SLC9A9: variants seen among roughly 807,000 people sequenced by gnomAD.
SLC9A9 encodes solute carrier family 9 member A9.
SLC9A9 carries 62 observed loss-of-function variants against 77.8 expected under a neutral mutation model. The observed-to-expected ratio is 0.80, with a 90% CI of 0.65 to 0.98. SLC9A9 has a LOEUF of 0.98. Ranked by LOEUF, SLC9A9 falls within the 50% of genes least tolerant of loss-of-function variation. The pLI, the probability that SLC9A9 is intolerant of heterozygous loss-of-function variation, is 0.00. For synonymous variants in SLC9A9, 320 were observed against 283.5 expected, an observed-to-expected ratio of 1.13 and a Z score of -1.29; for missense variants, 775 against 774.9, an observed-to-expected ratio of 1.00 and a Z score of 0.00.
intron 14 of SLC9A9, among the ~76,000 whole-genome samples, chr3:143,357,739 A>G (rs921925067): frequency 1.3e-5 from 2 of 152,126 alleles, no homozygotes; most frequent in Non-Finnish European, 2.9e-5. Flanking sequence ...TCTTGGGCTC[A>G]GTTGCCTCAT....
chr3:143,816,267 G>A (rs1023217745), intron 2 of SLC9A9, among the ~76,000 whole-genome samples: 1 of 152,124 alleles, frequency 6.6e-6, no homozygotes, highest in African/African-American at 2.4e-5. Context: ...ACAGTGGTGT[G>A]GTCATAGCTC....
intron 12 of SLC9A9, among the ~76,000 whole-genome samples, chr3:143,438,982 A>C (rs891524054): frequency 1.3e-5 from 2 of 152,114 alleles, no homozygotes; most frequent in African/African-American, 4.8e-5. Flanking sequence ...TCATTTATTC[A>C]TTTCTTTAAT....
intron 5 of SLC9A9, among the ~76,000 whole-genome samples, chr3:143,676,751 C>T (rs1932903592): frequency 6.6e-6 from 1 of 151,882 alleles, no homozygotes; most frequent in African/African-American, 2.4e-5. Flanking sequence ...AACAAACAAA[C>T]AAAAACAAAC....
chr3:143,580,158 G>C lies in SLC9A9; in HGVS notation c.756-1435C>G, dbSNP rs111919628. Among the ~76,000 whole-genome samples the C allele has an allele frequency of 3.9e-5, 6 of 152,284 alleles. 1 individual carries two copies. The highest frequency in any genetic ancestry group is 1.4e-4 in the African/African-American group (6 of 41,554). ...TTTGTATCTGCAAGTCCTGGGAAAA[G>C]GTATAAAACTCCACTGGTTGTTAGG... is the stretch of plus-strand genomic sequence containing the variant. On this transcript the variant is annotated intron_variant, in intron 6 of 15. Transcript: ENST00000316549.
At chr3:143,517,680 G>A in intron 9 of SLC9A9, 1 of 1,597,490 alleles carries the variant, frequency 6.3e-7, no homozygotes, top group Non-Finnish European at 8.5e-7. Flanking sequence ...CACTTGTAAG[G>A]CTGAGCTGAA....
chr3:143,625,097 G>T (rs908952352), intron 6 of SLC9A9, among the ~76,000 whole-genome samples: 1 of 152,142 alleles, frequency 6.6e-6, no homozygotes, highest in South Asian at 2.1e-4. Context: ...ACAAACCACT[G>T]CTCAATGAAA....
At position 143,495,425 on chromosome 3, in the gene SLC9A9, C is replaced by T; in HGVS notation, c.1113G>A (p.Leu371=). The part of the protein sequence containing the change: ...TKQLFEFMNF[L]AENVIFCYMG... ...TGTAACAGAAGATGACGTTCTCCGC[C>T]AAAAAGTTCATAAATTCAAACAACT... The change falls in exon 10 of 16, where the codon TTG becomes TTA. Residue 371 remains leucine, a synonymous_variant. Coordinates refer to ENST00000316549, the MANE Select transcript of SLC9A9 (RefSeq NM_173653.4). 1 of 1,613,850 alleles carries T rather than the reference C, an allele frequency of 6.2e-7. No individual in the cohort carries two copies. Among genetic ancestry groups the T allele is most frequent in the East Asian group, 2.2e-5 (1 of 44,876 alleles).
chr3:143,405,458 TG>T (rs1559901650), intron 12 of SLC9A9, among the ~76,000 whole-genome samples: 1 of 152,156 alleles, frequency 6.6e-6, no homozygotes, highest in Admixed American at 6.5e-5. Context: ...GAGCAGAAGC[TG>T]GGAGAGGAGG....
intron 12 of SLC9A9, among the ~76,000 whole-genome samples, chr3:143,403,353 T>C (rs1457574962): frequency 3.3e-5 from 5 of 152,158 alleles, no homozygotes; most frequent in African/African-American, 1.2e-4. Context: ...ATAGACACAA[T>C]TGAATTTTAT....
intron 6 of SLC9A9, among the ~76,000 whole-genome samples, chr3:143,579,733 A>T (rs2037422914): frequency 6.6e-6 from 1 of 152,174 alleles, no homozygotes; most frequent in Admixed American, 6.5e-5. Flanking sequence ...AGTACACTAG[A>T]CACATTGACT....
chr3:143,697,209 A>G (rs1275193377), intron 4 of SLC9A9, among the ~76,000 whole-genome samples: 6 of 152,166 alleles, frequency 3.9e-5, no homozygotes, highest in African/African-American at 1.2e-4. Context: ...CTGGGCATGG[A>G]AAAGTAAATT....
chr3:143,342,839 C>T (rs2108465644), intron 14 of SLC9A9, among the ~76,000 whole-genome samples: 1 of 152,302 alleles, frequency 6.6e-6, no homozygotes, highest in South Asian at 2.1e-4. Flanking sequence ...GGTGCATGTG[C>T]ATGCAAATAT....
At chr3:143,339,420 C>G (rs549969917) in intron 14 of SLC9A9, among the ~76,000 whole-genome samples, 1 of 152,104 alleles carries the variant, frequency 6.6e-6, no homozygotes, top group East Asian at 1.9e-4. Flanking sequence ...GCTTACCTAC[C>G]CAGCTCAAGC....
intron 11 of SLC9A9, among the ~76,000 whole-genome samples, chr3:143,482,290 C>T (rs2035587018): frequency 6.6e-6 from 1 of 152,148 alleles, no homozygotes; most frequent in Non-Finnish European, 1.5e-5. Flanking sequence ...CAAAATGAGT[C>T]AGGAACATTA....
intron 12 of SLC9A9, among the ~76,000 whole-genome samples, chr3:143,426,311 G>A (rs757461524): frequency 3.9e-5 from 6 of 152,104 alleles, no homozygotes; most frequent in African/African-American, 9.7e-5. Flanking sequence ...TCAAGGATAC[G>A]AACTACTAAA....
chr3:143,812,594 G>T (rs765879551), intron 2 of SLC9A9, among the ~76,000 whole-genome samples: 17 of 152,166 alleles, frequency 1.1e-4, no homozygotes, highest in Non-Finnish European at 2.1e-4. Flanking sequence ...TTGTAGTCAG[G>T]TGGGACCATA....
intron 5 of SLC9A9, among the ~76,000 whole-genome samples, chr3:143,654,145 G>A (rs2038847194): frequency 6.6e-6 from 1 of 152,150 alleles, no homozygotes; most frequent in Admixed American, 6.5e-5. Flanking sequence ...AGTGTTCTAA[G>A]CACAATGACA....
At chr3:143,517,646 A>G in intron 9 of SLC9A9, 1 of 1,597,312 alleles carries the variant, frequency 6.3e-7, no homozygotes, top group Non-Finnish European at 8.5e-7. Flanking sequence ...CTACTGGCCT[A>G]GAAGTCTGTG....
chr3:143,325,422 T>C (rs1323100447), intron 14 of SLC9A9, among the ~76,000 whole-genome samples: 1 of 152,238 alleles, frequency 6.6e-6, no homozygotes, highest in African/African-American at 2.4e-5. Context: ...ACCTAAAACC[T>C]TACCCTTGGC....
Sources: gnomAD v4.1 joint callset for allele counts (sites outside exome capture counted in the v4.1 genomes callset) on GRCh38, gnomAD v4.1.1 for gene constraint, MANE v1.5 for transcripts, NCBI Gene and HGNC (gene_info 2026-07-23, HGNC 2026-07-21) for gene names.